CDYL2: variants seen among roughly 807,000 people sequenced by gnomAD.
The protein encoded by CDYL2 is chromodomain Y like 2.
In CDYL2, 23 loss-of-function variants were observed where a neutral mutation model predicts 49.4. That is an observed-to-expected ratio of 0.47 (90% confidence interval 0.34 to 0.66). The LOEUF (loss-of-function observed/expected upper bound fraction) is 0.66. CDYL2 is among the 30% of genes least tolerant of loss of function. CDYL2 has a pLI of 0.01. For synonymous variants in CDYL2, 360 were observed against 268.8 expected (o/e 1.34, Z -3.32); for missense variants, 678 against 656.4 (o/e 1.03, Z -0.36).
chr16:80,772,659 G>C (rs562495099), intron 1 of CDYL2, among the ~76,000 whole-genome samples: 2 of 152,142 alleles, frequency 1.3e-5, no homozygotes, highest in Non-Finnish European at 1.5e-5. Flanking sequence ...CACCGTGTTA[G>C]CCAGGATGGT....
chr16:80,727,378 C>A (rs867506008), intron 1 of CDYL2, among the ~76,000 whole-genome samples: 1 of 152,224 alleles, frequency 6.6e-6, no homozygotes, highest in African/African-American at 2.4e-5. Context: ...CCGAATACTG[C>A]GCTTTTCCGA....
Position 80,755,132 on chromosome 16 carries a change from T to C in CDYL2, c.24+49018A>G, listed in dbSNP as rs528613044. ...CCTTGGTTTCCTCATCCACATCCTA[T>C]TTAATGCACACATATATTTTAAGAT... On this transcript the variant is annotated intron_variant, in intron 1 of 6. Coordinates refer to ENST00000570137, the MANE Select transcript of CDYL2 (RefSeq NM_152342.4). Among the ~76,000 whole-genome samples the C allele has an allele frequency of 5.9e-5, 9 of 152,278 alleles. No individual in the cohort carries two copies. The South Asian group carries it at 1.9e-3, about 32-fold the overall frequency.
intron 1 of CDYL2, among the ~76,000 whole-genome samples, chr16:80,712,091 A>ATATATATGTG (rs1175910591): frequency 2.4e-4 from 35 of 148,864 alleles, no homozygotes; most frequent in African/African-American, 3.2e-4. Flanking sequence ...ATGTGTGTGT[A>ATATATATGTG]TATATATGTG....
chr16:80,786,918 G>C (rs866458319), intron 1 of CDYL2, among the ~76,000 whole-genome samples: 2 of 151,996 alleles, frequency 1.3e-5, no homozygotes, highest in South Asian at 2.1e-4. Context: ...CAGGGCCTGT[G>C]GGGGGTGGGG....
At chr16:80,802,419 A>G (rs200147725) in intron 1 of CDYL2, among the ~76,000 whole-genome samples, 3 of 152,224 alleles carry the variant, frequency 2.0e-5, no homozygotes, top group East Asian at 3.9e-4. Flanking sequence ...AGGAAACTCA[A>G]TCAAACCTTC....
At chr16:80,694,017 T>C (rs1417088298) in intron 1 of CDYL2, among the ~76,000 whole-genome samples, 1 of 152,222 alleles carries the variant, frequency 6.6e-6, no homozygotes, top group Non-Finnish European at 1.5e-5. Flanking sequence ...ATACAAATAC[T>C]GTATTCTAGT....
At chr16:80,620,396 T>A (rs1228444571) in intron 4 of CDYL2, among the ~76,000 whole-genome samples, 4 of 152,080 alleles carry the variant, frequency 2.6e-5, no homozygotes, top group Non-Finnish European at 4.4e-5. Flanking sequence ...ACTCTCCCCA[T>A]CAGGCAAGGG....
At chr16:80,722,032 C>G (rs1905015473) in intron 1 of CDYL2, among the ~76,000 whole-genome samples, 1 of 152,128 alleles carries the variant, frequency 6.6e-6, no homozygotes, top group African/African-American at 2.4e-5. Context: ...CCCTCAGGAG[C>G]TGAGAGAATG....
intron 1 of CDYL2, among the ~76,000 whole-genome samples, chr16:80,771,915 G>C (rs893814116): frequency 2.0e-5 from 3 of 152,146 alleles, no homozygotes; most frequent in Non-Finnish European, 2.9e-5. Flanking sequence ...AGGAGACAAA[G>C]AGGATACAGT....
At chr16:80,648,780 AAT>A (rs1908461142) in intron 2 of CDYL2, among the ~76,000 whole-genome samples, 1 of 152,104 alleles carries the variant, frequency 6.6e-6, no homozygotes, top group African/African-American at 2.4e-5. Context: ...TGAATTCAAC[AAT>A]ATGTCAAAAA....
intron 1 of CDYL2, among the ~76,000 whole-genome samples, chr16:80,691,220 G>A (rs1910401272): frequency 6.6e-6 from 1 of 152,172 alleles, no homozygotes; most frequent in African/African-American, 2.4e-5. Flanking sequence ...AACATCCTGA[G>A]ACAACTCCCT....
chr16:80,632,633 G>A (rs185811403), intron 3 of CDYL2: 136 of 241,950 alleles, frequency 5.6e-4, no homozygotes, highest in African/African-American at 2.9e-3. Context: ...TAAACTGAGT[G>A]AGATACATTA....
intron 2 of CDYL2, among the ~76,000 whole-genome samples, chr16:80,661,466 C>G (rs1162312653): frequency 6.6e-6 from 1 of 152,154 alleles, no homozygotes; most frequent in Non-Finnish European, 1.5e-5. Context: ...TTGTCTCATT[C>G]CATCCTCATC....
chr16:80,700,674 T>C (rs1904295708), intron 1 of CDYL2, among the ~76,000 whole-genome samples: 1 of 152,234 alleles, frequency 6.6e-6, no homozygotes, highest in Non-Finnish European at 1.5e-5. Context: ...GGCATACGAA[T>C]AGCTATATAT....
Position 80,693,495 on chromosome 16 carries a change from C to G in CDYL2, c.25-8366G>C, listed in dbSNP as rs1490637142. 6.6e-5 allele frequency among the ~76,000 whole-genome samples: 10 copies of G among 152,136 alleles called. No homozygotes were observed. In the East Asian group the frequency reaches 1.9e-3, roughly 29 times the overall value. ...AAAAAGTTCTGTATGTGAATACTAA[C>G]AGGGGCTTAATTTGTCATTTCCAAA... On this transcript the variant is annotated intron_variant, in intron 1 of 6. Coordinates refer to ENST00000570137, the MANE Select transcript of CDYL2 (RefSeq NM_152342.4).
At position 80,603,818 on chromosome 16, in the gene CDYL2, A is replaced by G. The variant is rs971517166; in HGVS notation, c.*570T>C. The G allele has an allele frequency of 1.3e-4, 20 of 152,980 alleles. No individual in the cohort carries two copies. The highest frequency in any genetic ancestry group is 4.8e-4 in the African/African-American group (20 of 41,570). 9.5% of individuals were successfully genotyped at this position (152,980 alleles called of 1,614,324 possible). On this transcript the variant is annotated 3_prime_UTR_variant, in exon 7 of 7. Coordinates refer to ENST00000570137, the MANE Select transcript of CDYL2 (RefSeq NM_152342.4). Reference sequence around the variant, plus strand: ...TTAACAAAACATTTCTAAATGTACAATATCTGGGTTTGCAAATCACTCAAT... The same window carrying G: ...TTAACAAAACATTTCTAAATGTACAGTATCTGGGTTTGCAAATCACTCAAT...
chr16:80,782,530 G>GAAAAAAAAA (rs1188248662), intron 1 of CDYL2, among the ~76,000 whole-genome samples: 1 of 35,784 alleles, frequency 2.8e-5, no homozygotes. Flanking sequence ...GACATAAGGA[G>GAAAAAAAAA]AAAAAAAAAA....
Position 80,804,465 on chromosome 16 carries a change from G to C in CDYL2, c.-292C>G, listed in dbSNP as rs966908014. On this transcript the variant is annotated 5_prime_UTR_variant, in exon 1 of 7. Transcript: ENST00000570137. ...CCGCGCAGCGCGCCCGGGAGGCACG[G>C]ACGCGGCCCGAGCGCCGCGGCCCCC... 2.7e-5 allele frequency: 4 copies of C among 145,530 alleles called. No individual in the cohort carries two copies. Among genetic ancestry groups the C allele is most frequent in the African/African-American group, 9.9e-5 (4 of 40,446 alleles). The allele number at this position is 145,530 out of a possible 1,614,324, so 9.0% of individuals were successfully genotyped here.
chr16:80,705,537 G>A (rs532576367), intron 1 of CDYL2, among the ~76,000 whole-genome samples: 2 of 152,360 alleles, frequency 1.3e-5, no homozygotes, highest in South Asian at 4.1e-4. Context: ...CAGGTCCCCT[G>A]GCAGAATCTG....
Sources: gnomAD v4.1 joint callset for allele counts (sites outside exome capture counted in the v4.1 genomes callset) on GRCh38, gnomAD v4.1.1 for gene constraint, MANE v1.5 for transcripts, NCBI Gene and HGNC (gene_info 2026-07-23, HGNC 2026-07-21) for gene names.